IL20: variants seen among roughly 807,000 people sequenced by gnomAD.
The protein encoded by IL20 is interleukin 20.
A neutral mutation model predicts 19.2 loss-of-function variants in IL20; 22 were observed. That is an observed-to-expected ratio of 1.15 (90% CI 0.82 to 1.64). IL20 has a LOEUF of 1.64. Ranked by LOEUF, IL20 falls within the 40% of genes most tolerant of loss-of-function variation. The pLI is 0.00. For missense variants in IL20, 215 were observed against 212.8 expected, an observed-to-expected ratio of 1.01 and a Z score of -0.06; for synonymous variants, 70 against 76.2, an observed-to-expected ratio of 0.92 and a Z score of 0.43.
At position 206,868,590 on chromosome 1, in the gene IL20, A is replaced by G. The variant is rs776667464; in HGVS notation, c.*26A>G. ...GAGGAAAGTGATGCTGCTGCTAAGA[A>G]TATTCGAGGTCAAGAGCTCCAGTCT... On this transcript the variant is annotated 3_prime_UTR_variant, in exon 6 of 6. Transcript: ENST00000367098. The G allele has an allele frequency of 6.4e-7, 1 of 1,560,646 alleles. No individual in the cohort carries two copies. Among genetic ancestry groups the G allele is most frequent in the South Asian group, 1.2e-5 (1 of 83,680 alleles).
chr1:206,865,963 A>C lies in IL20; in HGVS notation c.111A>C (p.Thr37=), dbSNP rs774414916. The C allele has an allele frequency of 3.7e-6, 6 of 1,614,180 alleles. No homozygotes were observed. Among genetic ancestry groups the C allele is most frequent in the Non-Finnish European group, 4.2e-6 (5 of 1,180,032 alleles). ...ATTTGGGAAGCTGTGTGATCGCCACAAACCTTCAGGAAATACGAAATGGAT... is the reference window on the plus strand; with the variant it reads ...ATTTGGGAAGCTGTGTGATCGCCACCAACCTTCAGGAAATACGAAATGGAT... ...TLNLGSCVIA[T]NLQEIRNGFS... The change falls in exon 2 of 6, where the codon ACA becomes ACC. Residue 37 remains threonine (T), a synonymous_variant. Transcript: ENST00000367098. The surrounding 1 kb of genome is among the most constrained non-coding windows in gnomAD (Gnocchi z 4.1).
intron 4 of IL20, 135 bp downstream of exon 4, chr1:206,866,771 CAT>C (rs1677562055): frequency 5.6e-6 from 5 of 896,844 alleles, no homozygotes; most frequent in Admixed American, 4.6e-5. Context: ...TGTGTTGAGA[CAT>C]GTGACTAGGT....
chr1:206,865,461 T>C, upstream of IL20: 1 of 1,007,928 alleles, frequency 9.9e-7, no homozygotes, highest in South Asian at 4.4e-5. The surrounding 1 kb of genome is among the most constrained non-coding windows in gnomAD (Gnocchi z 4.1). Context: ...GGGGAGGCTA[T>C]ATGCGTCAAT....
Position 206,868,486 on chromosome 1 carries a change from G to A in IL20, c.454-1G>A. On this transcript the variant is annotated splice_acceptor_variant, in intron 5 of 5. Coordinates refer to ENST00000367098, the MANE Select transcript of IL20 (RefSeq NM_018724.4). LOFTEE classifies it high-confidence loss of function. ...ACCACATGGGTGTGTGTCTCTTTCA[G>A]CTGGAACCTCAGGCAGCAGTTGTGA... 6.3e-7 allele frequency: 1 copy of A among 1,589,476 alleles called. No homozygotes were observed.
chr1:206,865,989 T>A lies in IL20; in HGVS notation c.137T>A (p.Phe46Tyr). The A allele has an allele frequency of 4.3e-6, 7 of 1,614,096 alleles. No individual in the cohort carries two copies. Among genetic ancestry groups the A allele is most frequent in the Non-Finnish European group, 5.1e-6 (6 of 1,180,004 alleles). ...ATNLQEIRNG[F>Y]SEIRGSVQAK... ...AACCTTCAGGAAATACGAAATGGAT[T>A]TTCTGAGATACGGGGCAGTGTGGTA... Residue 46 changes from phenylalanine (F) to tyrosine (Y), a missense_variant, in exon 2 of 6, where the codon TTT becomes TAT. Phe to Tyr is a conservative substitution (Grantham distance 22). Coordinates refer to ENST00000367098, the MANE Select transcript of IL20 (RefSeq NM_018724.4). This position sits in a 1 kb window ranked among gnomAD's most constrained non-coding sequence, Gnocchi z 4.1.
chr1:206,867,358 T>G (rs760271846), intron 4 of IL20, 26 bp from the exon 5 acceptor site: 1 of 1,601,820 alleles, frequency 6.2e-7, no homozygotes, highest in Non-Finnish European at 8.5e-7. Flanking sequence ...TGTAATATAA[T>G]CTATTATTCT....
chr1:206,863,711 C>A (rs756154731), upstream of IL20, among the ~76,000 whole-genome samples: 23 of 152,080 alleles, frequency 1.5e-4, no homozygotes, highest in African/African-American at 5.3e-4. Flanking sequence ...TCTAAAGGAC[C>A]CTTTTCCACG....
chr1:206,865,160 T>G (rs760831827), upstream of IL20, among the ~76,000 whole-genome samples: 3 of 152,210 alleles, frequency 2.0e-5, no homozygotes, highest in Non-Finnish European at 2.9e-5. This position sits in a 1 kb window ranked among gnomAD's most constrained non-coding sequence, Gnocchi z 4.1. Context: ...TCGGGCTGAT[T>G]GCCCATCACG....
Position 206,867,807 on chromosome 1 carries a change from T to C in IL20, c.453+349T>C, listed in dbSNP as rs962996001. ...ACTCACAATTTCACACACACACCCA[T>C]GCCATTCAATTTCTCACCTTCACAC... On this transcript the variant is annotated intron_variant, in intron 5 of 5. Transcript: ENST00000367098. 1.7e-4 allele frequency among the ~76,000 whole-genome samples: 26 copies of C among 151,914 alleles called. 1 individual carries two copies. The highest frequency in any genetic ancestry group is 6.3e-4 in the African/African-American group (26 of 41,364).
chr1:206,865,551 T>C (rs563820918), upstream of IL20: 96 of 1,167,062 alleles, frequency 8.2e-5, no homozygotes, highest in Middle Eastern at 1.8e-3. This position sits in a 1 kb window ranked among gnomAD's most constrained non-coding sequence, Gnocchi z 4.1. Flanking sequence ...TTCCAGGCCT[T>C]ACCTGCTGGG....
intron 5 of IL20, 137 bp from the exon 6 acceptor site, chr1:206,868,350 A>G (rs1378400476): frequency 2.2e-6 from 1 of 464,572 alleles, no homozygotes; most frequent in South Asian, 5.3e-5. Flanking sequence ...TTGAGATTCT[A>G]TAACTTCTTT....
At chr1:206,867,304 T>G in intron 4 of IL20, 80 bp from the exon 5 acceptor site, 1 of 1,194,988 alleles carries the variant, frequency 8.4e-7, no homozygotes. Context: ...GGTGAAAGAG[T>G]AGAGTTTCTG....
intron 5 of IL20, among the ~76,000 whole-genome samples, chr1:206,867,821 T>G (rs1677603027): frequency 6.6e-6 from 1 of 151,914 alleles, no homozygotes; most frequent in Non-Finnish European, 1.5e-5. Context: ...ATTCAATTTC[T>G]CACCTTCACA....
At chr1:206,863,668 C>T (rs1251189239), upstream of IL20, among the ~76,000 whole-genome samples, 2 of 152,160 alleles carry the variant, frequency 1.3e-5, no homozygotes, top group African/African-American at 2.4e-5. Flanking sequence ...CCTACTTCTC[C>T]TAATCATTTA....
chr1:206,867,435 C>T lies in IL20; in HGVS notation c.430C>T (p.Gln144Ter). Residue 144 changes from glutamine to a stop codon, truncating the protein, a stop_gained, in exon 5 of 6, where the codon CAG becomes TAG. Coordinates refer to ENST00000367098, the MANE Select transcript of IL20 (RefSeq NM_018724.4). LOFTEE classifies it high-confidence loss of function. ...GGAGGAAGCAATGAAGAAATACAGC[C>T]AGATTCTGAGTCACTTTGAAAAGGT... Reference protein sequence around the residue: ...CGEEAMKKYSQILSHFEKLEP... With the variant: ...CGEEAMKKYS The T allele has an allele frequency of 6.2e-7, 1 of 1,613,774 alleles. No homozygotes were observed. The highest frequency in any genetic ancestry group is 2.2e-5 in the East Asian group (1 of 44,888).
chr1:206,865,490 A>G, upstream of IL20: 1 of 1,028,964 alleles, frequency 9.7e-7, no homozygotes, highest in Non-Finnish European at 1.2e-6. The surrounding 1 kb of genome is among the most constrained non-coding windows in gnomAD (Gnocchi z 4.1). Context: ...ACAAGTTTTG[A>G]CATTTCCCCT....
intron 4 of IL20, among the ~76,000 whole-genome samples, chr1:206,867,064 G>C (rs1041865222): frequency 1.2e-4 from 17 of 147,308 alleles, no homozygotes; most frequent in Non-Finnish European, 1.9e-4. Context: ...GGCTCAAAGA[G>C]CTCTGGGATA....
chr1:206,868,290 C>G (rs1677616574), intron 5 of IL20, among the ~76,000 whole-genome samples, 197 bp from the exon 6 acceptor site: 1 of 152,166 alleles, frequency 6.6e-6, no homozygotes, highest in African/African-American at 2.4e-5. Flanking sequence ...AGTTTCTGTA[C>G]ATAAGACCAG....
At chr1:206,866,130 C>G (rs1254980795) in intron 2 of IL20, 119 bp downstream of exon 2, 5 of 1,183,172 alleles carry the variant, frequency 4.2e-6, no homozygotes, top group African/African-American at 3.0e-5. Context: ...GGATTCCTTA[C>G]CCGGGGGATG....
Sources: allele counts gnomAD v4.1 joint callset (sites outside exome capture counted in the v4.1 genomes callset), GRCh38; gene constraint gnomAD v4.1.1; non-coding constraint Gnocchi (gnomAD v3.1); transcripts MANE v1.5; gene names NCBI Gene and HGNC (gene_info 2026-07-23, HGNC 2026-07-21).